CTSS: variants seen among roughly 807,000 people sequenced by gnomAD.
CTSS encodes the protein cathepsin S.
Under a neutral mutation model 39.9 loss-of-function variants are expected in CTSS, and 15 were observed. That is an observed-to-expected ratio of 0.38 (90% CI 0.25 to 0.58). CTSS has a LOEUF of 0.58. Ranked by LOEUF, CTSS falls within the 20% of genes least tolerant of loss-of-function variation. The pLI is 0.70. For synonymous variants in CTSS, 126 were observed against 138.2 expected (o/e 0.91, Z 0.62); for missense variants, 250 against 398.2 (o/e 0.63, Z 3.17).
chr1:150,750,298 C>A (rs1036378603), intron 5 of CTSS, 127 bp from the exon 6 acceptor site: 1 of 643,902 alleles, frequency 1.6e-6, no homozygotes, highest in Non-Finnish European at 2.5e-6. Flanking sequence ...AAGGCTCCTT[C>A]CTTTGCAAAT....
chr1:150,743,618 GT>G (rs1652820460), intron 7 of CTSS, among the ~76,000 whole-genome samples: 1 of 69,802 alleles, frequency 1.4e-5, no homozygotes, highest in Non-Finnish European at 3.2e-5. Flanking sequence ...TATTATATAT[GT>G]ATATTATGTA....
chr1:150,759,319 T>C (rs1557814651), intron 2 of CTSS, among the ~76,000 whole-genome samples: 1 of 152,268 alleles, frequency 6.6e-6, no homozygotes, highest in East Asian at 1.9e-4. Flanking sequence ...TCTCCACATA[T>C]ATTGCTTCTC....
At chr1:150,754,853 C>T (rs12068264) in intron 4 of CTSS, 148 bp downstream of exon 4, 289,449 of 810,130 alleles carry the variant, frequency 0.36, 52,786 homozygotes, top group South Asian at 0.49. Context: ...CCTTAAGGAA[C>T]TTATAATTTA....
intron 7 of CTSS, among the ~76,000 whole-genome samples, chr1:150,738,384 A>G (rs1156432450): frequency 6.6e-6 from 1 of 152,212 alleles, no homozygotes; most frequent in Non-Finnish European, 1.5e-5. Context: ...AATGTTTCCA[A>G]CAGCCTGTGC....
intron 2 of CTSS, among the ~76,000 whole-genome samples, chr1:150,761,777 AAAAT>A (rs1404533656): frequency 2.6e-5 from 4 of 152,134 alleles, no homozygotes; most frequent in African/African-American, 9.6e-5. Flanking sequence ...AATTTAAGAT[AAAAT>A]AAATAAATGG....
chr1:150,761,822 A>G (rs1404701435), intron 2 of CTSS, among the ~76,000 whole-genome samples: 1 of 152,254 alleles, frequency 6.6e-6, no homozygotes, highest in Non-Finnish European at 1.5e-5. Context: ...GATTGGAAGA[A>G]TTAATATTGC....
In CTSS at chr1:150,744,542, T is replaced by A. The variant is rs1430892478; in HGVS notation, c.896+3235A>T. ...ATGTATATTATGTATACATAATATATTATATATTATATATGTATATTATGT... is the reference window on the plus strand; with the variant it reads ...ATGTATATTATGTATACATAATATAATATATATTATATATGTATATTATGT... On this transcript the variant is annotated intron_variant, in intron 7 of 7. Transcript: ENST00000368985. 1.6e-3 allele frequency among the ~76,000 whole-genome samples: 187 copies of A among 114,160 alleles called. 3 individuals are homozygous for A. Among genetic ancestry groups the A allele is most frequent in the African/African-American group, 6.1e-3 (179 of 29,352 alleles). The allele number at this position is 114,160 out of a possible 152,430, so 74.9% of individuals were successfully genotyped here. A position where few individuals can be genotyped will look rare whatever the true frequency, so the allele number is the denominator to read the frequency against.
intron 7 of CTSS, among the ~76,000 whole-genome samples, chr1:150,741,496 AATG>A (rs1296029126): frequency 6.6e-6 from 1 of 152,224 alleles, no homozygotes; most frequent in East Asian, 1.9e-4. Context: ...ATTAAATAAT[AATG>A]CTACAATTCA....
intron 7 of CTSS, among the ~76,000 whole-genome samples, chr1:150,743,671 AT>A (rs1255685645): frequency 2.3e-5 from 2 of 86,752 alleles, no homozygotes; most frequent in Non-Finnish European, 4.5e-5. Flanking sequence ...TACATAATAT[AT>A]TATATATTAT....
At position 150,752,332 on chromosome 1, in the gene CTSS, T is replaced by C. The variant is rs1571101814; in HGVS notation, c.400-324A>G. Among the ~76,000 whole-genome samples, 6 of 152,202 alleles carry C rather than the reference T, an allele frequency of 3.9e-5. No homozygotes were observed. The South Asian group carries it at 1.2e-3, about 31-fold the overall frequency. ...TATTTTCACCCATAAGTAAGGGAGATAGTTGCCTACAGTAATGAGATTTTG... is the reference window on the plus strand; with the variant it reads ...TATTTTCACCCATAAGTAAGGGAGACAGTTGCCTACAGTAATGAGATTTTG... On this transcript the variant is annotated intron_variant, in intron 4 of 7. Coordinates refer to ENST00000368985, the MANE Select transcript of CTSS (RefSeq NM_004079.5).
chr1:150,737,018 T>A (rs1652647895), intron 7 of CTSS, among the ~76,000 whole-genome samples: 1 of 152,240 alleles, frequency 6.6e-6, no homozygotes, highest in South Asian at 2.1e-4. Flanking sequence ...ATATTTGGTA[T>A]ATAGCCAATG....
At chr1:150,758,239 G>A (rs896891543) in intron 2 of CTSS, among the ~76,000 whole-genome samples, 11 of 151,842 alleles carry the variant, frequency 7.2e-5, no homozygotes, top group Non-Finnish European at 1.3e-4. Flanking sequence ...TAGTAGAGAC[G>A]GGGTTTCGTC....
At chr1:150,752,130 C>A in intron 4 of CTSS, 122 bp from the exon 5 acceptor site, 1 of 916,442 alleles carries the variant, frequency 1.1e-6, no homozygotes. Flanking sequence ...AAAGAGCTCC[C>A]CCACTACAGT....
intron 7 of CTSS, among the ~76,000 whole-genome samples, chr1:150,743,546 TAGAG>T (rs1557809720): frequency 3.6e-5 from 5 of 138,294 alleles, no homozygotes; most frequent in Admixed American, 8.1e-5. Flanking sequence ...TATTTATATA[TAGAG>T]AGATTTATAT....
At chr1:150,743,565 GTATACATAATATATTATATATGTATATTA>G (rs1652815035) in intron 7 of CTSS, among the ~76,000 whole-genome samples, 2 of 121,668 alleles carry the variant, frequency 1.6e-5, no homozygotes, top group Non-Finnish European at 3.3e-5. Flanking sequence ...TTATATGTAT[GTATACATAATATATTATATATGTATATTA>G]TGTATACATA....
At chr1:150,762,917 T>C (rs1261198142) in intron 2 of CTSS, among the ~76,000 whole-genome samples, 1 of 152,180 alleles carries the variant, frequency 6.6e-6, no homozygotes, top group African/African-American at 2.4e-5. Flanking sequence ...ATCTCACTTC[T>C]GGGTATATGT....
chr1:150,741,437 A>G (rs2101912425), intron 7 of CTSS, among the ~76,000 whole-genome samples: 1 of 152,352 alleles, frequency 6.6e-6, no homozygotes, highest in South Asian at 2.1e-4. Context: ...TAGTTTATTT[A>G]ATCATATACC....
chr1:150,756,632 C>T (rs975782073), intron 3 of CTSS, among the ~76,000 whole-genome samples: 2 of 151,984 alleles, frequency 1.3e-5, no homozygotes, highest in African/African-American at 4.8e-5. Flanking sequence ...TATATGTGGT[C>T]CATCAGTGGC....
At position 150,732,717 on chromosome 1, in the gene CTSS, C is replaced by A; in HGVS notation, c.*329G>T. 1 of 182,468 alleles carries A rather than the reference C, an allele frequency of 5.5e-6. No homozygotes were observed. Among genetic ancestry groups the A allele is most frequent in the East Asian group, 1.6e-4 (1 of 6,388 alleles). 11.3% of individuals were successfully genotyped at this position (182,468 alleles called of 1,614,324 possible). A position where few individuals can be genotyped will look rare whatever the true frequency, so the allele number is the denominator to read the frequency against. The stretch of plus-strand genomic sequence containing the variant: ...TCAACCTCTTGGGTTCAAGGAATCT[C>A]GTGCCTCAGCCTCCCAAGTAGCTGG... On this transcript the variant is annotated 3_prime_UTR_variant, in exon 8 of 8. Coordinates refer to ENST00000368985, the MANE Select transcript of CTSS (RefSeq NM_004079.5).
Sources: allele counts gnomAD v4.1 joint callset (sites outside exome capture counted in the v4.1 genomes callset), GRCh38; gene constraint gnomAD v4.1.1; transcripts MANE v1.5; gene names NCBI Gene and HGNC (gene_info 2026-07-23, HGNC 2026-07-21).